FAM168B: variants seen among roughly 807,000 people sequenced by gnomAD.
The protein encoded by FAM168B is myelin-associated neurite-outgrowth inhibitor.
A neutral mutation model predicts 21.8 loss-of-function variants in FAM168B; 19 were observed. The ratio of observed to expected loss-of-function variants is 0.87; its 90% confidence interval spans 0.61 to 1.28. The LOEUF is 1.28. Ranked by LOEUF, FAM168B falls within the 50% of genes most tolerant of loss-of-function variation. The pLI is 0.00. For synonymous variants in FAM168B, 126 were observed against 104.8 expected, an observed-to-expected ratio of 1.20 and a Z score of -1.24; for missense variants, 233 against 263.1, an observed-to-expected ratio of 0.89 and a Z score of 0.79.
chr2:131,076,304 G>A (rs1573799098), intron 2 of FAM168B, among the ~76,000 whole-genome samples: 1 of 152,096 alleles, frequency 6.6e-6, no homozygotes, highest in Non-Finnish European at 1.5e-5. Flanking sequence ...ATGGTAGGCT[G>A]GAAAGGCCAG....
rs1287784776 is a variant in FAM168B at position 131,048,658 on chromosome 2, T to G, written c.*3807A>C. On this transcript the variant is annotated 3_prime_UTR_variant, in exon 7 of 7. Transcript: ENST00000389915. ...GGACCTACTGATAAAGCATGTCCTC[T>G]GCAGTATACTCAAGAGTCTGCTGCC... is the stretch of plus-strand genomic sequence containing the variant. 1 of 1,013,602 alleles carries G rather than the reference T, an allele frequency of 9.9e-7. No homozygotes were observed. Among genetic ancestry groups the G allele is most frequent in the South Asian group, 4.0e-5 (1 of 25,248 alleles). The allele number at this position is 1,013,602 out of a possible 1,614,324, so 62.8% of individuals were successfully genotyped here.
chr2:131,054,604 G>T (rs1212866019), intron 5 of FAM168B, among the ~76,000 whole-genome samples: 1 of 152,216 alleles, frequency 6.6e-6, no homozygotes, highest in Non-Finnish European at 1.5e-5. Context: ...GTGTGGGCAT[G>T]ACCTAAAGGT....
chr2:131,077,648 G>C (rs1693226444), intron 2 of FAM168B, among the ~76,000 whole-genome samples: 2 of 152,232 alleles, frequency 1.3e-5, no homozygotes, highest in Admixed American at 1.3e-4. Flanking sequence ...GCATGGGCAA[G>C]AGGCCAAGTC....
At chr2:131,091,794 T>C (rs1222459782) in intron 1 of FAM168B, among the ~76,000 whole-genome samples, 1 of 151,866 alleles carries the variant, frequency 6.6e-6, no homozygotes, top group African/African-American at 2.4e-5. Flanking sequence ...ACACAAGGCA[T>C]GAAAAAACTA....
At chr2:131,071,822 T>C (rs765919896) in intron 3 of FAM168B, 33 bp downstream of exon 3, 5 of 1,586,550 alleles carry the variant, frequency 3.2e-6, no homozygotes, top group Non-Finnish European at 4.3e-6. Context: ...CTCCCAGCTG[T>C]ACGTACAAAG....
chr2:131,056,588 G>A (rs1192575738), intron 3 of FAM168B, among the ~76,000 whole-genome samples: 2 of 152,166 alleles, frequency 1.3e-5, no homozygotes, highest in Non-Finnish European at 2.9e-5. Flanking sequence ...AGAGAAGAGG[G>A]GTTTGGTCTC....
intron 2 of FAM168B, among the ~76,000 whole-genome samples, chr2:131,077,847 CAG>C (rs746904044): frequency 7.7e-4 from 118 of 152,284 alleles, no homozygotes; most frequent in African/African-American, 2.7e-3. Flanking sequence ...CTCTGAAACG[CAG>C]AGTTTTCCTT....
In FAM168B at chr2:131,049,494, T is replaced by C; in HGVS notation, c.*2971A>G. ...GCCCATTACCATGACTGGCCCTGAC[T>C]CTGGCCCTCACAGAGCGGCAAGTTC... On this transcript the variant is annotated 3_prime_UTR_variant, in exon 7 of 7. Transcript: ENST00000389915. 2 of 985,422 alleles carry C rather than the reference T, an allele frequency of 2.0e-6. No homozygotes were observed. The highest frequency in any genetic ancestry group is 2.4e-6 in the Non-Finnish European group (2 of 829,936). 61.0% of individuals were successfully genotyped at this position (985,422 alleles called of 1,614,324 possible).
intron 2 of FAM168B, among the ~76,000 whole-genome samples, chr2:131,080,956 C>G (rs1227510812): frequency 6.6e-6 from 1 of 152,082 alleles, no homozygotes; most frequent in Non-Finnish European, 1.5e-5. Flanking sequence ...AGGCATGAGC[C>G]ACTACACCCA....
At chr2:131,076,319 C>T (rs550836660) in intron 2 of FAM168B, among the ~76,000 whole-genome samples, 1 of 152,226 alleles carries the variant, frequency 6.6e-6, no homozygotes, top group Admixed American at 6.5e-5. Context: ...GGCCAGACTC[C>T]CTACATCAAG....
chr2:131,055,871 G>A (rs948968141), intron 3 of FAM168B, among the ~76,000 whole-genome samples, 176 bp from the exon 4 acceptor site: 3 of 152,176 alleles, frequency 2.0e-5, no homozygotes, highest in Admixed American at 6.5e-5. Context: ...CTTTGTGTAC[G>A]TGTGTGCATG....
At chr2:131,085,198 C>T (rs951448276) in intron 1 of FAM168B, among the ~76,000 whole-genome samples, 2 of 152,158 alleles carry the variant, frequency 1.3e-5, no homozygotes, top group African/African-American at 4.8e-5. Flanking sequence ...TACAATGGCT[C>T]ATGCCTGTAT....
intron 3 of FAM168B, among the ~76,000 whole-genome samples, chr2:131,060,250 TC>T (rs1283221917): frequency 2.6e-5 from 4 of 152,100 alleles, no homozygotes; most frequent in African/African-American, 9.7e-5. Flanking sequence ...GGTGTCGAAC[TC>T]CCAACCTCGT....
intron 3 of FAM168B, among the ~76,000 whole-genome samples, chr2:131,058,198 C>G (rs563673226): frequency 1.1e-4 from 16 of 152,132 alleles, no homozygotes; most frequent in Non-Finnish European, 2.2e-4. Flanking sequence ...CTGGGAAATT[C>G]ACTAGTCTGG....
chr2:131,062,437 A>G (rs1407558740), intron 3 of FAM168B, among the ~76,000 whole-genome samples: 1 of 151,748 alleles, frequency 6.6e-6, no homozygotes, highest in East Asian at 1.9e-4. Flanking sequence ...CAATCCAATC[A>G]CCCAAGGTGT....
At chr2:131,080,272 CT>C (rs879713061) in intron 2 of FAM168B, among the ~76,000 whole-genome samples, 354 of 144,872 alleles carry the variant, frequency 2.4e-3, no homozygotes, top group Admixed American at 2.0e-3. Flanking sequence ...ACAGTAACGT[CT>C]TTTTTTTTTT....
Position 131,055,405 on chromosome 2 carries a change from G to A in FAM168B, c.342C>T (p.His114=), listed in dbSNP as rs201871520. 228 of 1,608,396 alleles carry A rather than the reference G, an allele frequency of 1.4e-4. 1 individual carries two copies. The highest frequency in any genetic ancestry group is 3.3e-4 in the South Asian group (30 of 90,496). The change falls in exon 5 of 7, where the codon CAC becomes CAT. Residue 114 remains histidine (H), a synonymous_variant. Transcript: ENST00000389915. ...YTQPLYAAPP[H]VIHHTTVVQP... is the part of the protein sequence containing the mutation. ...GCACCACCGTGGTGTGGTGGATGAC[G>A]TGAGGAGGTGCTGCATACAGCGGCT... is the stretch of plus-strand genomic sequence containing the variant.
rs1457684123 is a variant in FAM168B at position 131,055,359 on chromosome 2, T to C, written c.388A>G (p.Thr130Ala). 4.4e-6 allele frequency: 7 copies of C among 1,597,336 alleles called. No individual in the cohort carries two copies. The highest frequency in any genetic ancestry group is 2.3e-5 in the South Asian group (2 of 88,598). Residue 130 changes from threonine (T) to alanine (A), a missense_variant, in exon 5 of 7, where the codon ACG becomes GCG. Transcript: ENST00000389915. The part of the protein sequence containing the change: ...TVVQPNGMPA[T>A]VYPAPIPPPR... ...GGGGGGATGGGAGCAGGGTACACCG[T>C]TGCAGGCATGCCGTTGGGCTGCACC... is the stretch of plus-strand genomic sequence containing the variant.
At position 131,048,462 on chromosome 2, in the gene FAM168B, C is replaced by T. The variant is rs1691432014; in HGVS notation, c.*4003G>A. On this transcript the variant is annotated 3_prime_UTR_variant, in exon 7 of 7. Transcript: ENST00000389915. The stretch of plus-strand genomic sequence containing the variant: ...TCCTCTGTCTCCCCTTCCCAAGTGA[C>T]TTCACTTCAGTCCTGTGGACCAAGA... The T allele has an allele frequency of 8.4e-7, 1 of 1,186,012 alleles. No individual in the cohort carries two copies. The highest frequency in any genetic ancestry group is 3.3e-5 in the Admixed American group (1 of 30,310). 73.5% of individuals were successfully genotyped at this position (1,186,012 alleles called of 1,614,324 possible).
Sources: gnomAD v4.1 joint callset for allele counts (sites outside exome capture counted in the v4.1 genomes callset) on GRCh38, gnomAD v4.1.1 for gene constraint, MANE v1.5 for transcripts, NCBI Gene and HGNC (gene_info 2026-07-23, HGNC 2026-07-21) for gene names.